U2SURP: variants seen among roughly 807,000 people sequenced by gnomAD.
U2SURP encodes the protein U2 snRNP associated SURP domain containing, also known as U2 snRNP-associated SURP motif-containing protein.
U2SURP carries 9 observed loss-of-function variants against 144.9 expected under a neutral mutation model. The ratio of observed to expected loss-of-function variants is 0.06; its 90% CI spans 0.04 to 0.11. The LOEUF (loss-of-function observed/expected upper bound fraction) is 0.11. Ranked by LOEUF, U2SURP falls within the 10% of genes least tolerant of loss-of-function variation. The pLI is 1.00. For missense variants in U2SURP, 724 were observed against 1,226.7 expected (o/e 0.59, Z 6.12); for synonymous variants, 408 against 396.8 (o/e 1.03, Z -0.33).
chr3:143,038,312 A>G, intron 22 of U2SURP, 109 bp downstream of exon 22: 2 of 761,036 alleles, frequency 2.6e-6, no homozygotes, highest in South Asian at 5.2e-5. Context: ...TTTTAACCTT[A>G]ATGCTCAATG....
intron 1 of U2SURP, among the ~76,000 whole-genome samples, chr3:143,006,542 GGT>G (rs1935843611): frequency 6.6e-6 from 1 of 152,198 alleles, no homozygotes; most frequent in African/African-American, 2.4e-5. Context: ...GATCACCTGA[GGT>G]CGGGAGTTCA....
intron 11 of U2SURP, 54 bp downstream of exon 11, chr3:143,022,716 A>G (rs1193978475): frequency 6.5e-7 from 1 of 1,529,872 alleles, no homozygotes; most frequent in Non-Finnish European, 8.8e-7. Flanking sequence ...TTTGGTTTGG[A>G]AAAGTATTTA....
intron 24 of U2SURP, among the ~76,000 whole-genome samples, chr3:143,046,297 A>ATTTTTTTTTTTTTTTTTTT (rs11400849): frequency 6.6e-5 from 7 of 106,388 alleles, no homozygotes; most frequent in Non-Finnish European, 1.2e-4. Context: ...TTTATTTTTT[A>ATTTTTTTTTTTTTTTTTTT]TTTTTTTTTA....
chr3:143,054,986 A>C lies in U2SURP; in HGVS notation c.2818A>C (p.Ser940Arg), dbSNP rs1225207440. Reference sequence around the variant, plus strand: ...ATCCCCCAGCCCATCTCGCAGTAGCAGTGGTAGACGAGTGAAATCCCCATC... The same window carrying C: ...ATCCCCCAGCCCATCTCGCAGTAGCCGTGGTAGACGAGTGAAATCCCCATC... ...STSPSPSRSS[S>R]GRRVKSPSPK... Residue 940 changes from serine (S) to arginine (R), a missense_variant, in exon 27 of 28, where the codon AGT (serine) becomes CGT (arginine). Transcript: ENST00000473835. 6.2e-7 allele frequency: 1 copy of C among 1,609,836 alleles called. No individual in the cohort carries two copies. The highest frequency in any genetic ancestry group is 8.5e-7 in the Non-Finnish European group (1 of 1,178,208).
intron 10 of U2SURP, 83 bp from the exon 11 acceptor site, chr3:143,022,414 T>A (rs1936686545): frequency 3.0e-6 from 4 of 1,343,490 alleles, no homozygotes; most frequent in Non-Finnish European, 4.0e-6. Context: ...GCTTTTTATT[T>A]TGTAAAAACT....
intron 5 of U2SURP, 21 bp downstream of exon 5, chr3:143,016,392 T>G (rs1428528205): frequency 7.5e-6 from 12 of 1,595,084 alleles, no homozygotes; most frequent in Middle Eastern, 3.3e-4. Flanking sequence ...AAAGTATAAC[T>G]GCTAATAAAG....
chr3:143,047,069 T>A (rs61580433), intron 24 of U2SURP, among the ~76,000 whole-genome samples: 2 of 93,682 alleles, frequency 2.1e-5, no homozygotes, highest in Admixed American at 1.9e-4. Context: ...CCTCCCTCCC[T>A]GACGGGGCGG....
In U2SURP at chr3:143,022,512, C is replaced by T. The variant is rs763880358; in HGVS notation, c.868C>T (p.Leu290=). ...NINPQMNEEM[L]CQEFGRFGPL... is the part of the protein sequence containing the mutation. Reference sequence around the variant, plus strand: ...TTTTTAATAGATGAATGAAGAAATGCTGTGCCAAGAATTTGGAAGATTTGG... The same window carrying T: ...TTTTTAATAGATGAATGAAGAAATGTTGTGCCAAGAATTTGGAAGATTTGG... The change falls in exon 11 of 28, where the codon CTG becomes TTG. Residue 290 remains leucine, a synonymous_variant. Coordinates refer to ENST00000473835, the MANE Select transcript of U2SURP (RefSeq NM_001080415.2). 8.9e-6 allele frequency: 14 copies of T among 1,565,450 alleles called. No homozygotes were observed. The highest frequency in any genetic ancestry group is 1.2e-5 in the Non-Finnish European group (14 of 1,156,002).
At chr3:143,018,483 C>G (rs1936484862) in intron 6 of U2SURP, among the ~76,000 whole-genome samples, 1 of 152,032 alleles carries the variant, frequency 6.6e-6, no homozygotes, top group East Asian at 1.9e-4. Context: ...CACTTTTCTG[C>G]TGTTAGAAAT....
Position 143,056,962 on chromosome 3 carries a change from T to G in U2SURP, c.*512T>G, listed in dbSNP as rs1348268091. ...TTATAAGCCCCAGTGTTCAAGTAGC[T>G]TAAGTTTTATATTTACTAAGATGAC... On this transcript the variant is annotated 3_prime_UTR_variant, in exon 28 of 28. Transcript: ENST00000473835. The G allele has an allele frequency of 1.3e-5, 2 of 153,276 alleles. No homozygotes were observed. Among genetic ancestry groups the G allele is most frequent in the African/African-American group, 2.4e-5 (1 of 41,442 alleles). The allele number at this position is 153,276 out of a possible 1,614,324, so 9.5% of individuals were successfully genotyped here. A position where few individuals can be genotyped will look rare whatever the true frequency, so the allele number is the denominator to read the frequency against.
intron 13 of U2SURP, among the ~76,000 whole-genome samples, chr3:143,025,498 A>G (rs979924529): frequency 2.6e-5 from 4 of 152,188 alleles, no homozygotes; most frequent in African/African-American, 9.6e-5. Context: ...AGTCTTATAC[A>G]TAAAATTTCC....
At chr3:143,029,331 C>CT (rs1258920395) in intron 16 of U2SURP, among the ~76,000 whole-genome samples, 4 of 152,172 alleles carry the variant, frequency 2.6e-5, no homozygotes, top group Admixed American at 2.0e-4. Flanking sequence ...TGTGGCAACC[C>CT]TAAGTCAAAC....
intron 8 of U2SURP, 111 bp downstream of exon 8, chr3:143,020,804 A>G (rs1936591863): frequency 5.2e-6 from 4 of 766,898 alleles, no homozygotes; most frequent in South Asian, 5.1e-5. Context: ...GAAACCATGG[A>G]TATATACTAT....
chr3:143,021,202 A>G, intron 8 of U2SURP, 148 bp from the exon 9 acceptor site: 6 of 929,476 alleles, frequency 6.5e-6, no homozygotes, highest in Non-Finnish European at 4.8e-6. Flanking sequence ...AAAAACAACA[A>G]CAACAACAAC....
chr3:143,046,776 C>A (rs1246966781), intron 24 of U2SURP, among the ~76,000 whole-genome samples: 34 of 128,648 alleles, frequency 2.6e-4, no homozygotes, highest in Admixed American at 6.0e-4. Flanking sequence ...CCTTTCCCCC[C>A]CTTCTATTCC....
intron 16 of U2SURP, among the ~76,000 whole-genome samples, chr3:143,030,515 C>T (rs552405241): frequency 6.6e-6 from 1 of 152,254 alleles, no homozygotes; most frequent in African/African-American, 2.4e-5. Flanking sequence ...TGACAATGTA[C>T]CTGATCACTG....
At chr3:143,008,247 C>T (rs73864925) in intron 1 of U2SURP, among the ~76,000 whole-genome samples, 253 of 110,398 alleles carry the variant, frequency 2.3e-3, no homozygotes, top group African/African-American at 9.2e-3. Context: ...TATAGAGCTT[C>T]ATCTTTTGAT....
At chr3:143,017,074 TG>T (rs1936408279) in intron 6 of U2SURP, 99 bp downstream of exon 6, 6 of 1,243,732 alleles carry the variant, frequency 4.8e-6, no homozygotes, top group Non-Finnish European at 6.4e-6. Flanking sequence ...TCGTTTTTGG[TG>T]GGGGCAGGGT....
chr3:143,055,190 A>G (rs1935081597), intron 27 of U2SURP, 71 bp downstream of exon 27: 1 of 1,375,852 alleles, frequency 7.3e-7, no homozygotes, highest in Non-Finnish European at 9.7e-7. Context: ...TTTTGAAAAT[A>G]ATTTGGTTGG....
Sources: allele counts gnomAD v4.1 joint callset (sites outside exome capture counted in the v4.1 genomes callset), GRCh38; gene constraint gnomAD v4.1.1; transcripts MANE v1.5; gene names NCBI Gene and HGNC (gene_info 2026-07-23, HGNC 2026-07-21).